CDK5RAP2: variants seen among roughly 807,000 people sequenced by gnomAD.
CDK5RAP2 encodes the protein CDK5 regulatory subunit associated protein 2.
Under a neutral mutation model 232.9 loss-of-function variants are expected in CDK5RAP2, and 147 were observed. The ratio of observed to expected loss-of-function variants is 0.63; its 90% CI spans 0.55 to 0.72. The LOEUF is 0.72. CDK5RAP2 is among the 30% of genes least tolerant of loss of function. The pLI, the probability that CDK5RAP2 is intolerant of heterozygous loss-of-function variation, is 0.00. For missense variants in CDK5RAP2, 2,195 were observed against 2,231.5 expected (o/e 0.98, Z 0.33); for synonymous variants, 833 against 833.7 (o/e 1.00, Z 0.01).
intron 12 of CDK5RAP2, among the ~76,000 whole-genome samples, chr9:120,509,272 C>G (rs1015295951): frequency 6.6e-6 from 1 of 152,176 alleles, no homozygotes; most frequent in African/African-American, 2.4e-5. Flanking sequence ...TATTAATCAA[C>G]ACCGTCTGGT....
rs2035657900 is a variant in CDK5RAP2 at position 120,437,557 on chromosome 9, G to T, written c.3723-30C>A. 2.6e-6 allele frequency: 4 copies of T among 1,523,596 alleles called. No individual in the cohort carries two copies. In the East Asian group the frequency reaches 9.0e-5, roughly 34 times the overall value. The allele number at this position is 1,523,596 out of a possible 1,614,324, so 94.4% of individuals were successfully genotyped here. A position where few individuals can be genotyped will look rare whatever the true frequency, so the allele number is the denominator to read the frequency against. ...TAAAAGAGGGGAAAGAAAATACTTGGACCATTTTAGAATTGAATTTTTGTG... is the reference window on the plus strand; with the variant it reads ...TAAAAGAGGGGAAAGAAAATACTTGTACCATTTTAGAATTGAATTTTTGTG... On this transcript the variant is annotated intron_variant, in intron 24 of 37. Coordinates refer to ENST00000349780, the MANE Select transcript of CDK5RAP2 (RefSeq NM_018249.6).
chr9:120,423,312 G>A (rs1414184455), intron 25 of CDK5RAP2, among the ~76,000 whole-genome samples: 1 of 152,038 alleles, frequency 6.6e-6, no homozygotes, highest in Non-Finnish European at 1.5e-5. Context: ...TGACACTTAG[G>A]TCATTTGCAA....
chr9:120,469,972 G>T, intron 17 of CDK5RAP2, 139 bp downstream of exon 17: 1 of 603,936 alleles, frequency 1.7e-6, no homozygotes, highest in Admixed American at 2.9e-5. Flanking sequence ...GACACAGGAG[G>T]GGCACACACA....
At chr9:120,500,329 A>G (rs1248578646) in intron 12 of CDK5RAP2, among the ~76,000 whole-genome samples, 9 of 152,214 alleles carry the variant, frequency 5.9e-5, no homozygotes, top group Admixed American at 5.2e-4. Context: ...CTAAATCCCC[A>G]AAAGTAGAAT....
chr9:120,405,890 A>T (rs2033400751), intron 32 of CDK5RAP2, among the ~76,000 whole-genome samples: 1 of 152,250 alleles, frequency 6.6e-6, no homozygotes, highest in Non-Finnish European at 1.5e-5. Flanking sequence ...TTGGGCAAAA[A>T]CAAAGAAAGG....
intron 12 of CDK5RAP2, among the ~76,000 whole-genome samples, chr9:120,497,839 C>T (rs1468231609): frequency 6.6e-6 from 1 of 152,062 alleles, no homozygotes; most frequent in East Asian, 1.9e-4. Flanking sequence ...GGTCTAAAAC[C>T]CCTGTGGCCT....
chr9:120,417,875 C>T (rs1304646714), intron 27 of CDK5RAP2, among the ~76,000 whole-genome samples: 22 of 152,252 alleles, frequency 1.4e-4, no homozygotes, highest in Non-Finnish European at 5.9e-5. Flanking sequence ...AAGGGAAAAG[C>T]TTCACGTTCA....
Position 120,453,873 on chromosome 9 carries a change from C to A in CDK5RAP2, c.2376G>T (p.Arg792Ser), listed in dbSNP as rs779616922. The change falls in exon 21 of 38, where the codon AGG becomes AGT. Residue 792 changes from arginine to serine, a missense_variant and splice_region_variant. Transcript: ENST00000349780. ...NEKATLLLES[R>S]PDLLKVVREL... ...CCCGTACCACTTTCAGAAGGTCTGG[C>A]CTGTTTTTCCAAAAGGGAAGGAAGT... 6 of 1,614,060 alleles carry A rather than the reference C, an allele frequency of 3.7e-6. No homozygotes were observed. The Admixed American group carries it at 6.7e-5, about 18-fold the overall frequency.
chr9:120,536,554 C>G (rs758607278), intron 6 of CDK5RAP2, 28 bp from the exon 7 acceptor site: 1 of 1,607,662 alleles, frequency 6.2e-7, no homozygotes, highest in African/African-American at 1.3e-5. Flanking sequence ...GCATTTGATG[C>G]AATTTTTCAA....
rs12339464 is a variant in CDK5RAP2, at chr9:120,408,549, A to G, written c.4605-81T>C. The G allele has an allele frequency of 4.0e-3, 5,932 of 1,482,152 alleles. 135 individuals are homozygous for G. In the African/African-American group the frequency reaches 0.058, roughly 14 times the overall value. 91.8% of individuals were successfully genotyped at this position (1,482,152 alleles called of 1,614,324 possible). A position where few individuals can be genotyped will look rare whatever the true frequency, so the allele number is the denominator to read the frequency against. ...TATTCAAACCCCACAGAGCAGGCCA[A>G]TTCCACCCTCAGTCACAAGAGTGTG... On this transcript the variant is annotated intron_variant, in intron 30 of 37. Coordinates refer to ENST00000349780, the MANE Select transcript of CDK5RAP2 (RefSeq NM_018249.6).
chr9:120,439,675 C>A lies in CDK5RAP2; in HGVS notation c.3446G>T (p.Gly1149Val). ...CAAGCCATCCTGGGCCCCTTCTGTC[C>A]CACACAAAACTGTAATTATGGCCTC... ...CSEAIITVLC[G>V]TEGAQDGLSK... Residue 1149 changes from glycine (G) to valine (V), a missense_variant, in exon 24 of 38, where the codon GGG becomes GTG. Transcript: ENST00000349780. 5 of 1,614,200 alleles carry A rather than the reference C, an allele frequency of 3.1e-6. No individual in the cohort carries two copies. The highest frequency in any genetic ancestry group is 4.2e-6 in the Non-Finnish European group (5 of 1,180,034).
chr9:120,415,299 C>G lies in CDK5RAP2; in HGVS notation c.4178-140G>C, dbSNP rs189408381. 8.3e-5 allele frequency: 76 copies of G among 920,096 alleles called. No individual in the cohort carries two copies. In the African/African-American group the frequency reaches 1.2e-3, roughly 14 times the overall value. The allele number at this position is 920,096 out of a possible 1,614,324, so 57.0% of individuals were successfully genotyped here. Reference sequence around the variant, plus strand: ...TAGCAACTGGCAATTCTTTCCTAGGCATGGGGAGGGTGAGCTATTTCCCAC... The same window carrying G: ...TAGCAACTGGCAATTCTTTCCTAGGGATGGGGAGGGTGAGCTATTTCCCAC... On this transcript the variant is annotated intron_variant, in intron 27 of 37. Transcript: ENST00000349780.
intron 15 of CDK5RAP2, among the ~76,000 whole-genome samples, chr9:120,475,573 C>T (rs1265694580): frequency 6.6e-6 from 1 of 151,878 alleles, no homozygotes; most frequent in Non-Finnish European, 1.5e-5. Flanking sequence ...ACCCCCAGTG[C>T]CCCCCACTGC....
At chr9:120,394,232 C>T (rs2032258357) in intron 36 of CDK5RAP2, among the ~76,000 whole-genome samples, 1 of 152,178 alleles carries the variant, frequency 6.6e-6, no homozygotes, top group African/African-American at 2.4e-5. Context: ...CACCCAACTC[C>T]CACCCCAGTG....
rs570356855 is a variant in CDK5RAP2 at position 120,505,343 on chromosome 9, C to G, written c.1311+13084G>C. On this transcript the variant is annotated intron_variant, in intron 12 of 37. Coordinates refer to ENST00000349780, the MANE Select transcript of CDK5RAP2 (RefSeq NM_018249.6). The stretch of plus-strand genomic sequence containing the variant: ...CACCCATATAAGACGGCAAACTTAA[C>G]GGATAAAAGTGTATTCCAAGAGCTC... Among the ~76,000 whole-genome samples, 11 of 152,266 alleles carry G rather than the reference C, an allele frequency of 7.2e-5. No individual in the cohort carries two copies. In the South Asian group the frequency reaches 2.1e-3, roughly 29 times the overall value.
At chr9:120,457,158 T>C (rs911804232) in intron 20 of CDK5RAP2, among the ~76,000 whole-genome samples, 3 of 152,154 alleles carry the variant, frequency 2.0e-5, no homozygotes, top group African/African-American at 7.2e-5. Flanking sequence ...GATGAAGAAA[T>C]GGGCTCATAA....
chr9:120,413,065 A>G (rs1476983364), intron 28 of CDK5RAP2, among the ~76,000 whole-genome samples: 1 of 152,234 alleles, frequency 6.6e-6, no homozygotes, highest in African/African-American at 2.4e-5. Context: ...TGTATTACTA[A>G]AACAATTAAT....
intron 4 of CDK5RAP2, among the ~76,000 whole-genome samples, chr9:120,546,030 A>C (rs1421285424): frequency 6.6e-6 from 1 of 152,236 alleles, no homozygotes; most frequent in Non-Finnish European, 1.5e-5. Flanking sequence ...TAAATGCTCC[A>C]AGCTTCTAAC....
intron 12 of CDK5RAP2, among the ~76,000 whole-genome samples, chr9:120,507,338 C>A (rs1167230967): frequency 6.6e-6 from 1 of 152,148 alleles, no homozygotes; most frequent in Non-Finnish European, 1.5e-5. Context: ...TAATTATACC[C>A]ATTTTACCAA....
Sources: allele counts gnomAD v4.1 joint callset (sites outside exome capture counted in the v4.1 genomes callset), GRCh38; gene constraint gnomAD v4.1.1; transcripts MANE v1.5; gene names NCBI Gene and HGNC (gene_info 2026-07-23, HGNC 2026-07-21).